SRSF5: variants seen among roughly 807,000 people sequenced by gnomAD.
The protein encoded by SRSF5 is serine/arginine-rich splicing factor 5.
In SRSF5, 5 loss-of-function variants were observed where a neutral mutation model predicts 34.0. The observed-to-expected ratio is 0.15, with a 90% CI of 0.08 to 0.31. The LOEUF (loss-of-function observed/expected upper bound fraction) is 0.31. Ranked by LOEUF, SRSF5 falls within the 10% of genes least tolerant of loss-of-function variation. The pLI is 1.00. For missense variants in SRSF5, 223 were observed against 351.4 expected, an observed-to-expected ratio of 0.63 and a Z score of 2.92; for synonymous variants, 164 against 117.7, an observed-to-expected ratio of 1.39 and a Z score of -2.55.
chr14:69,769,531 T>TA (rs1882969313), intron 5 of SRSF5: 1 of 1,535,342 alleles, frequency 6.5e-7, no homozygotes, highest in Admixed American at 2.0e-5. Flanking sequence ...TCGTTGGCCT[T>TA]ATGACGAGGA....
At chr14:69,769,842 T>A (rs955828345) in intron 5 of SRSF5, 17 of 1,283,858 alleles carry the variant, frequency 1.3e-5, no homozygotes, top group South Asian at 2.2e-5. Context: ...AGTAAAGTGG[T>A]CCTTGGTAAC....
Position 69,771,876 on chromosome 14 carries a change from AT to A in SRSF5, c.*418del. ...CTTTGGACACTTAAAAGAGCTCTAA[AT>A]TTGCTTGTACATAAAGGCTTAATTT... On this transcript the variant is annotated 3_prime_UTR_variant, in exon 8 of 8. Transcript: ENST00000557154. 1 of 168,592 alleles carries A rather than the reference AT, an allele frequency of 5.9e-6. No individual in the cohort carries two copies. The highest frequency in any genetic ancestry group is 1.3e-5 in the Non-Finnish European group (1 of 77,790). The allele number at this position is 168,592 out of a possible 1,614,324, so 10.4% of individuals were successfully genotyped here. A position where few individuals can be genotyped will look rare whatever the true frequency, so the allele number is the denominator to read the frequency against.
chr14:69,769,398 T>A, intron 5 of SRSF5, 147 bp downstream of exon 5: 1 of 1,501,048 alleles, frequency 6.7e-7, no homozygotes, highest in Non-Finnish European at 8.9e-7. Context: ...TAAATGTAAT[T>A]TGGGGGATAT....
chr14:69,768,858 T>A lies in SRSF5; in HGVS notation c.258T>A (p.Ser86=), dbSNP rs1882860416. ...SRGGRGRGRY[S]DRFSSRRPRN... is the part of the protein sequence containing the mutation. Reference sequence around the variant, plus strand: ...GTGGAAGAGGTAGAGGACGATACTCTGACCGTTTTAGTAGTCGCAGACCTC... The same window carrying A: ...GTGGAAGAGGTAGAGGACGATACTCAGACCGTTTTAGTAGTCGCAGACCTC... Residue 86 remains serine, a synonymous_variant, in exon 4 of 8, where the codon TCT becomes TCA. Coordinates refer to ENST00000557154, the MANE Select transcript of SRSF5 (RefSeq NM_001320214.2). 2 of 1,614,242 alleles carry A rather than the reference T, an allele frequency of 1.2e-6. No homozygotes were observed. The highest frequency in any genetic ancestry group is 1.7e-6 in the Non-Finnish European group (2 of 1,180,032).
intron 5 of SRSF5, chr14:69,770,236 T>C (rs1883039015): frequency 7.5e-7 from 1 of 1,324,978 alleles, no homozygotes; most frequent in Admixed American, 3.7e-5. Flanking sequence ...TACCTTAATG[T>C]TAAAATCTGA....
At chr14:69,770,791 G>A (rs1883111963) in intron 6 of SRSF5, 1 of 643,968 alleles carries the variant, frequency 1.6e-6, no homozygotes, top group Non-Finnish European at 2.7e-6. Flanking sequence ...ATCCCACGGT[G>A]CATAGGGAAC....
chr14:69,770,295 G>A (rs1462222734), intron 5 of SRSF5, 172 bp from the exon 6 acceptor site: 8 of 1,395,170 alleles, frequency 5.7e-6, no homozygotes, highest in African/African-American at 4.4e-5. Context: ...TGCTTATTCC[G>A]TGCCCTGACA....
Position 69,771,426 on chromosome 14 carries a change from C to G in SRSF5, c.784C>G (p.Arg262Gly). ...TGTGGATCGCCAGAGGTCCCGGTCC[C>G]GATCAAGGTCCAGATCAGTTGACAG... ...ASVDRQRSRSRSRSRSVDSGN is the reference protein window; with the variant it reads ...ASVDRQRSRSGSRSRSVDSGN Residue 262 changes from arginine (R) to glycine (G), a missense_variant, in exon 8 of 8, where the codon CGA (arginine) becomes GGA (glycine). By Grantham distance (125) the Arg-to-Gly change is moderately radical. Transcript: ENST00000557154. 3 of 1,614,076 alleles carry G rather than the reference C, an allele frequency of 1.9e-6. No homozygotes were observed. Among genetic ancestry groups the G allele is most frequent in the Non-Finnish European group, 2.5e-6 (3 of 1,179,952 alleles).
Position 69,771,627 on chromosome 14 carries a change from AG to A in SRSF5, c.*170del. The stretch of plus-strand genomic sequence containing the variant: ...ATATCTTTGTAGATGTGGACCACCA[AG>A]GGGTTGTTGAAAACTAATTGTATTA... On this transcript the variant is annotated 3_prime_UTR_variant, in exon 8 of 8. Coordinates refer to ENST00000557154, the MANE Select transcript of SRSF5 (RefSeq NM_001320214.2). 1.3e-6 allele frequency: 1 copy of A among 776,122 alleles called. No individual in the cohort carries two copies. Among genetic ancestry groups the A allele is most frequent in the South Asian group, 1.9e-5 (1 of 52,710 alleles). The allele number at this position is 776,122 out of a possible 1,614,324, so 48.1% of individuals were successfully genotyped here. A position where few individuals can be genotyped will look rare whatever the true frequency, so the allele number is the denominator to read the frequency against.
chr14:69,767,318 C>G (rs764363876), intron 1 of SRSF5, 63 bp downstream of exon 1: 9 of 448,206 alleles, frequency 2.0e-5, no homozygotes, highest in South Asian at 3.1e-5. Flanking sequence ...CCGCTCAGAT[C>G]GTGAGCGGCC....
chr14:69,769,956 G>C, intron 5 of SRSF5: 1 of 1,060,884 alleles, frequency 9.4e-7, no homozygotes, highest in Non-Finnish European at 1.1e-6. Context: ...AGTGGGTGGC[G>C]AAGAGCCAGT....
At chr14:69,767,920 G>T (rs1882725756) in intron 1 of SRSF5, 1 of 500,696 alleles carries the variant, frequency 2.0e-6, no homozygotes, top group African/African-American at 1.9e-5. Flanking sequence ...TGGGCGTTGC[G>T]GTTGCTGCGG....
chr14:69,771,551 A>G lies in SRSF5; in HGVS notation c.*90A>G. 1.4e-6 allele frequency: 1 copy of G among 701,014 alleles called. No homozygotes were observed. Among genetic ancestry groups the G allele is most frequent in the Non-Finnish European group, 2.2e-6 (1 of 450,042 alleles). 43.4% of individuals were successfully genotyped at this position (701,014 alleles called of 1,614,324 possible). A position where few individuals can be genotyped will look rare whatever the true frequency, so the allele number is the denominator to read the frequency against. ...ATACTTGCTAAAAATTCTGGTAAGT[A>G]TGTGCTTTTCTGTGGGGGTGGGATT... is the stretch of plus-strand genomic sequence containing the variant. On this transcript the variant is annotated 3_prime_UTR_variant, in exon 8 of 8. Transcript: ENST00000557154.
chr14:69,770,365 TC>T, intron 5 of SRSF5, 101 bp from the exon 6 acceptor site: 2 of 1,506,796 alleles, frequency 1.3e-6, no homozygotes, highest in Non-Finnish European at 1.8e-6. Context: ...TTGTACTTTA[TC>T]TAACATCTTC....
At chr14:69,769,635 C>G in intron 5 of SRSF5, 1 of 1,533,578 alleles carries the variant, frequency 6.5e-7, no homozygotes, top group South Asian at 1.2e-5. Flanking sequence ...AGTTGGCCAC[C>G]TCTAGATCTG....
chr14:69,769,575 C>T (rs988221695), intron 5 of SRSF5: 1 of 1,535,352 alleles, frequency 6.5e-7, no homozygotes, highest in Admixed American at 2.0e-5. Flanking sequence ...TTGTCTTGGT[C>T]ACTCTTGGTT....
intron 4 of SRSF5, 85 bp downstream of exon 4, chr14:69,768,981 G>A (rs996569898): frequency 2.0e-5 from 28 of 1,426,988 alleles, no homozygotes; most frequent in Non-Finnish European, 2.8e-5. Context: ...TGATGATTTT[G>A]GGTCCTGCCG....
Position 69,771,460 on chromosome 14 carries a change from A to G in SRSF5, c.818A>G (p.Ter273=). 2 of 1,613,606 alleles carry G rather than the reference A, an allele frequency of 1.2e-6. No homozygotes were observed. Among genetic ancestry groups the G allele is most frequent in the Non-Finnish European group, 1.7e-6 (2 of 1,179,648 alleles). The change falls in exon 8 of 8, where the codon TAA becomes TGA. Residue 273 remains the stop codon, a stop_retained_variant. Coordinates refer to ENST00000557154, the MANE Select transcript of SRSF5 (RefSeq NM_001320214.2). ...TCCAGATCAGTTGACAGTGGCAATTAAACTGTAAATAACTTGCCCTGGGGG... is the reference window on the plus strand; with the variant it reads ...TCCAGATCAGTTGACAGTGGCAATTGAACTGTAAATAACTTGCCCTGGGGG... The part of the protein sequence containing the change: ...SRSRSVDSGN[*]
At chr14:69,767,304 A>G (rs946777550) in intron 1 of SRSF5, 49 bp downstream of exon 1, 5 of 425,750 alleles carry the variant, frequency 1.2e-5, no homozygotes, top group East Asian at 1.4e-4. Flanking sequence ...AGGCTTCTTC[A>G]TGGCCGCTCA....
Sources: allele counts gnomAD v4.1 joint callset, GRCh38; gene constraint gnomAD v4.1.1; transcripts MANE v1.5; gene names NCBI Gene and HGNC (gene_info 2026-07-23, HGNC 2026-07-21).